Variants in SDK1 observed in about 807,000 individuals in gnomAD.
The protein encoded by SDK1 is protein sidekick-1.
A neutral mutation model predicts 245.5 loss-of-function variants in SDK1; 157 were observed. The observed-to-expected ratio is 0.64, with a 90% confidence interval of 0.56 to 0.73. The LOEUF (loss-of-function observed/expected upper bound fraction) is 0.73. Ranked by LOEUF, SDK1 falls within the 30% of genes least tolerant of loss-of-function variation. SDK1 has a pLI of 0.00. For missense variants in SDK1, 3,583 were observed against 3,002.3 expected, an observed-to-expected ratio of 1.19 and a Z score of -4.52; for synonymous variants, 1,647 against 1,278.5, an observed-to-expected ratio of 1.29 and a Z score of -6.15.
intron 32 of SDK1, among the ~76,000 whole-genome samples, chr7:4,168,916 C>T (rs1337950410): frequency 6.6e-6 from 1 of 152,186 alleles, no homozygotes; most frequent in African/African-American, 2.4e-5. Context: ...CACTCCCACC[C>T]CACCACCAGT....
chr7:3,706,841 T>C (rs1006783041), intron 4 of SDK1, among the ~76,000 whole-genome samples: 1 of 152,210 alleles, frequency 6.6e-6, no homozygotes, highest in Non-Finnish European at 1.5e-5. Flanking sequence ...TTCTAATTTG[T>C]GTGCACAAAG....
At chr7:3,556,871 C>A (rs1021030407) in intron 1 of SDK1, among the ~76,000 whole-genome samples, 1 of 152,030 alleles carries the variant, frequency 6.6e-6, no homozygotes, top group Non-Finnish European at 1.5e-5. Context: ...TTAGTACTTA[C>A]GTGATGGATA....
chr7:3,653,907 G>A (rs1783081366), intron 4 of SDK1, among the ~76,000 whole-genome samples: 1 of 152,172 alleles, frequency 6.6e-6, no homozygotes, highest in African/African-American at 2.4e-5. Flanking sequence ...TGGAGCAGTT[G>A]TGAGATTTAA....
chr7:3,924,797 T>C (rs1335948131), intron 5 of SDK1, among the ~76,000 whole-genome samples: 2 of 152,174 alleles, frequency 1.3e-5, no homozygotes, highest in African/African-American at 4.8e-5. Context: ...GTCATAGCTC[T>C]TCCCACTTGA....
intron 44 of SDK1, among the ~76,000 whole-genome samples, chr7:4,247,613 C>T (rs1040444337): frequency 2.6e-5 from 4 of 152,244 alleles, no homozygotes; most frequent in Non-Finnish European, 2.9e-5. Flanking sequence ...CTGCCGCTGC[C>T]GGGCCGCTGC....
At chr7:3,961,406 G>A (rs1781671521) in intron 8 of SDK1, among the ~76,000 whole-genome samples, 2 of 152,092 alleles carry the variant, frequency 1.3e-5, no homozygotes, top group African/African-American at 4.8e-5. Context: ...TATTAAAGTC[G>A]ACATCTCACA....
In SDK1 at chr7:3,917,636, C is replaced by G. The variant is rs565161913; in HGVS notation, c.848-33287C>G. 3.3e-5 allele frequency among the ~76,000 whole-genome samples: 5 copies of G among 152,192 alleles called. No individual in the cohort carries two copies. The East Asian group carries it at 7.7e-4, about 24-fold the overall frequency. Reference sequence around the variant, plus strand: ...TGAGTAAAGCCTGATGAACCACACTCCTTACCCAGGGTTAGAGGAACGTCT... The same window carrying G: ...TGAGTAAAGCCTGATGAACCACACTGCTTACCCAGGGTTAGAGGAACGTCT... On this transcript the variant is annotated intron_variant, in intron 5 of 44. Transcript: ENST00000404826.
At chr7:3,845,023 G>T (rs900517410) in intron 5 of SDK1, among the ~76,000 whole-genome samples, 2 of 152,122 alleles carry the variant, frequency 1.3e-5, no homozygotes, top group South Asian at 4.1e-4. Flanking sequence ...AAAAATCTAC[G>T]CTTAACTACC....
At chr7:4,234,238 C>A (rs1786000383) in intron 41 of SDK1, among the ~76,000 whole-genome samples, 1 of 152,192 alleles carries the variant, frequency 6.6e-6, no homozygotes, top group Admixed American at 6.5e-5. Context: ...TACTGCCGAT[C>A]CCAGGCTGGG....
intron 5 of SDK1, among the ~76,000 whole-genome samples, chr7:3,844,333 C>A (rs1780226184): frequency 6.6e-6 from 1 of 152,148 alleles, no homozygotes; most frequent in African/African-American, 2.4e-5. Flanking sequence ...GTTTGTATTT[C>A]TTTAATTAGG....
At chr7:3,477,562 T>A (rs1781386662) in intron 1 of SDK1, among the ~76,000 whole-genome samples, 1 of 151,668 alleles carries the variant, frequency 6.6e-6, no homozygotes, top group Admixed American at 6.6e-5. Context: ...TCCACCAGGC[T>A]GGAGTGCAGT....
At chr7:3,434,251 T>C (rs879455180) in intron 1 of SDK1, among the ~76,000 whole-genome samples, 8 of 152,230 alleles carry the variant, frequency 5.3e-5, no homozygotes, top group Admixed American at 1.3e-4. Flanking sequence ...AAATCATGTT[T>C]TAAAATTCTT....
At chr7:4,179,025 T>A (rs1250476398) in intron 35 of SDK1, 8 of 163,110 alleles carry the variant, frequency 4.9e-5, no homozygotes, top group Non-Finnish European at 1.1e-4. Flanking sequence ...ATGTGGGCCA[T>A]TGTCTCCACC....
chr7:3,914,119 C>A (rs1779284440), intron 5 of SDK1, among the ~76,000 whole-genome samples: 2 of 152,212 alleles, frequency 1.3e-5, no homozygotes, highest in African/African-American at 2.4e-5. Context: ...TTAGTGCAAA[C>A]CCATTTGCAG....
At chr7:3,362,286 T>C (rs553105635) in intron 1 of SDK1, among the ~76,000 whole-genome samples, 1 of 152,338 alleles carries the variant, frequency 6.6e-6, no homozygotes, top group South Asian at 2.1e-4. Flanking sequence ...TGAGTGTAAA[T>C]GCAGACTTCT....
chr7:3,499,937 A>G (rs768867721), intron 1 of SDK1, among the ~76,000 whole-genome samples: 1 of 152,154 alleles, frequency 6.6e-6, no homozygotes, highest in Non-Finnish European at 1.5e-5. Context: ...GGTGAAAGGA[A>G]TGTCCTCAGC....
chr7:4,051,818 A>C lies in SDK1; in HGVS notation c.2899A>C (p.Thr967Pro). Residue 967 changes from threonine to proline, a missense_variant, in exon 19 of 45, where the codon ACT becomes CCT. Thr to Pro is a conservative substitution (Grantham distance 38). Transcript: ENST00000404826. ...TCCCAGCACACCTCAGCTGGTCTGG[A>C]CTCAGGAAGACAGTGAGTATTCCTT... Reference protein sequence around the residue: ...GPPSTPQLVWTQEDKPGAVGH... With the variant: ...GPPSTPQLVWPQEDKPGAVGH... The C allele has an allele frequency of 6.2e-7, 1 of 1,610,232 alleles. No homozygotes were observed. Among genetic ancestry groups the C allele is most frequent in the Non-Finnish European group, 8.5e-7 (1 of 1,177,816 alleles).
chr7:4,089,220 C>T (rs1316275591), intron 22 of SDK1, among the ~76,000 whole-genome samples: 1 of 152,162 alleles, frequency 6.6e-6, no homozygotes, highest in Non-Finnish European at 1.5e-5. Context: ...GACCCTCCCT[C>T]AAGTGGAGGT....
chr7:3,610,635 C>G (rs1431264719), intron 1 of SDK1, among the ~76,000 whole-genome samples: 1 of 152,222 alleles, frequency 6.6e-6, no homozygotes, highest in African/African-American at 2.4e-5. Flanking sequence ...TTTCTACCAT[C>G]AGCTTCAATT....
Sources: gnomAD v4.1 joint callset for allele counts (sites outside exome capture counted in the v4.1 genomes callset) on GRCh38, gnomAD v4.1.1 for gene constraint, MANE v1.5 for transcripts, NCBI Gene and HGNC (gene_info 2026-07-23, HGNC 2026-07-21) for gene names.